NEDD4L: variants seen among roughly 807,000 people sequenced by gnomAD.
NEDD4L encodes the protein NEDD4 like E3 ubiquitin protein ligase, also known as E3 ubiquitin-protein ligase NEDD4-like.
Under a neutral mutation model 148.9 loss-of-function variants are expected in NEDD4L, and 54 were observed. The ratio of observed to expected loss-of-function variants is 0.36; its 90% confidence interval spans 0.29 to 0.45. NEDD4L has a LOEUF of 0.45. NEDD4L is among the 20% of genes least tolerant of loss of function. The pLI, the probability that NEDD4L is intolerant of heterozygous loss-of-function variation, is 1.00. For synonymous variants in NEDD4L, 433 were observed against 440.7 expected, an observed-to-expected ratio of 0.98 and a Z score of 0.22; for missense variants, 856 against 1,233.8, an observed-to-expected ratio of 0.69 and a Z score of 4.59.
chr18:58,222,759 A>G (rs2043910935), intron 2 of NEDD4L, among the ~76,000 whole-genome samples: 1 of 152,264 alleles, frequency 6.6e-6, no homozygotes, highest in South Asian at 2.1e-4. Flanking sequence ...TGTATCAACA[A>G]TATGAAATAT....
intron 5 of NEDD4L, among the ~76,000 whole-genome samples, chr18:58,288,276 A>AT (rs2054214599): frequency 6.6e-6 from 1 of 152,228 alleles, no homozygotes; most frequent in Non-Finnish European, 1.5e-5. Flanking sequence ...CCTGCTTTTT[A>AT]AATGTAATCT....
chr18:58,236,623 A>T (rs1460369721), intron 2 of NEDD4L, among the ~76,000 whole-genome samples: 2 of 152,198 alleles, frequency 1.3e-5, no homozygotes, highest in African/African-American at 4.8e-5. Flanking sequence ...ATGAGCGATG[A>T]TGTCTCTGAG....
chr18:58,222,726 C>A (rs564780892), intron 2 of NEDD4L, among the ~76,000 whole-genome samples: 14 of 152,096 alleles, frequency 9.2e-5, no homozygotes, highest in African/African-American at 3.1e-4. Context: ...TTAAGATGGC[C>A]GGAATTCTAA....
At chr18:58,393,819 G>C (rs2050137985) in intron 30 of NEDD4L, among the ~76,000 whole-genome samples, 2 of 152,194 alleles carry the variant, frequency 1.3e-5, no homozygotes, top group South Asian at 4.1e-4. Context: ...TTTCCTAGAA[G>C]AGCAGAAGCT....
chr18:58,227,075 GTCC>G (rs1356736868), intron 2 of NEDD4L, among the ~76,000 whole-genome samples: 1 of 152,194 alleles, frequency 6.6e-6, no homozygotes, highest in East Asian at 1.9e-4. Context: ...CCCCACATCA[GTCC>G]TCCTTGCTGT....
chr18:58,180,901 TGGTCTATCGAGGTGTATTGGGGG>T (rs1233767137), intron 2 of NEDD4L, among the ~76,000 whole-genome samples: 1 of 152,242 alleles, frequency 6.6e-6, no homozygotes, highest in Non-Finnish European at 1.5e-5. Context: ...ATTCCTTCTC[TGGTCTATCGAGGTGTATTGGGGG>T]GGTTACAGCA....
At chr18:58,332,951 C>T (rs1402629222) in intron 11 of NEDD4L, among the ~76,000 whole-genome samples, 1 of 152,042 alleles carries the variant, frequency 6.6e-6, no homozygotes, top group East Asian at 1.9e-4. Flanking sequence ...TATTTTTAAT[C>T]ATTCCTGTCT....
chr18:58,206,182 A>G (rs1162210330), intron 2 of NEDD4L, among the ~76,000 whole-genome samples: 1 of 152,162 alleles, frequency 6.6e-6, no homozygotes, highest in Non-Finnish European at 1.5e-5. Context: ...TGAGGTCAGG[A>G]GTTCGGGACC....
intron 2 of NEDD4L, among the ~76,000 whole-genome samples, chr18:58,205,906 G>A (rs1211784743): frequency 1.3e-5 from 2 of 152,042 alleles, no homozygotes; most frequent in Non-Finnish European, 2.9e-5. Flanking sequence ...TGTTCTTCTG[G>A]CCTCAGAATC....
At chr18:58,350,970 C>G in intron 17 of NEDD4L, 21 bp from the exon 18 acceptor site, 1 of 1,568,448 alleles carries the variant, frequency 6.4e-7, no homozygotes, top group Non-Finnish European at 8.7e-7. Flanking sequence ...TTTCTCTCTC[C>G]CTTCCTTCCC....
Position 58,256,591 on chromosome 18 carries a change from C to T in NEDD4L, c.297+4537C>T. On this transcript the variant is annotated intron_variant, in intron 5 of 30. Coordinates refer to ENST00000400345, the MANE Select transcript of NEDD4L (RefSeq NM_001144967.3). The surrounding 1 kb of genome is among the most constrained non-coding windows in gnomAD (Gnocchi z 5.2). Reference sequence around the variant, plus strand: ...GAGCTGGCAGGATGGCTCCTGAAATCCGCAGGACGAACTCCGCGGAGAGGA... The same window carrying T: ...GAGCTGGCAGGATGGCTCCTGAAATTCGCAGGACGAACTCCGCGGAGAGGA... 8.1e-7 allele frequency: 1 copy of T among 1,232,266 alleles called. No individual in the cohort carries two copies. The highest frequency in any genetic ancestry group is 1.0e-6 in the Non-Finnish European group (1 of 988,062). The allele number at this position is 1,232,266 out of a possible 1,614,324, so 76.3% of individuals were successfully genotyped here. A position where few individuals can be genotyped will look rare whatever the true frequency, so the allele number is the denominator to read the frequency against.
At chr18:58,087,421 A>T (rs1156962371) in intron 1 of NEDD4L, among the ~76,000 whole-genome samples, 1 of 152,096 alleles carries the variant, frequency 6.6e-6, no homozygotes, top group Non-Finnish European at 1.5e-5. Context: ...CAGTCTTTCC[A>T]GTTCCTGCCC....
At chr18:58,302,711 C>T (rs991399393) in intron 5 of NEDD4L, among the ~76,000 whole-genome samples, 8 of 152,206 alleles carry the variant, frequency 5.3e-5, no homozygotes, top group South Asian at 2.1e-4. Flanking sequence ...AAATAGAACA[C>T]GCAGATGGTC....
At chr18:58,348,426 G>A (rs373572182) in intron 16 of NEDD4L, among the ~76,000 whole-genome samples, 1 of 142,262 alleles carries the variant, frequency 7.0e-6, no homozygotes, top group East Asian at 2.0e-4. Context: ...CTACTTTCCG[G>A]GTTCAAGCAA....
At chr18:58,383,095 C>T (rs1386529057) in intron 24 of NEDD4L, 151 bp from the exon 25 acceptor site, 2 of 555,710 alleles carry the variant, frequency 3.6e-6, no homozygotes, top group Non-Finnish European at 6.4e-6. Context: ...AAAAAAGCCT[C>T]ATTGGACATT....
intron 4 of NEDD4L, 60 bp downstream of exon 4, chr18:58,248,997 T>G (rs2047596043): frequency 1.3e-6 from 1 of 772,434 alleles, no homozygotes; most frequent in Non-Finnish European, 2.0e-6. Context: ...ATTATCACAG[T>G]CAATTCATCT....
chr18:58,265,121 A>T (rs2050038015), intron 5 of NEDD4L, among the ~76,000 whole-genome samples: 2 of 151,942 alleles, frequency 1.3e-5, no homozygotes, highest in African/African-American at 4.8e-5. Flanking sequence ...CAAGACTGGA[A>T]CTAGATGCTG....
chr18:58,121,777 T>C (rs1472551887), intron 1 of NEDD4L, among the ~76,000 whole-genome samples: 1 of 152,226 alleles, frequency 6.6e-6, no homozygotes, highest in African/African-American at 2.4e-5. Context: ...CCCAATAATA[T>C]ATGAATGCAA....
At chr18:58,115,245 C>CTTTTTTTTTTTTTTTTTTTTTTTTTT (rs60541981) in intron 1 of NEDD4L, among the ~76,000 whole-genome samples, 3 of 129,538 alleles carry the variant, frequency 2.3e-5, no homozygotes, top group African/African-American at 5.9e-5. Flanking sequence ...TTCTTTCTTT[C>CTTTTTTTTTTTTTTTTTTTTTTTTTT]TTTTTTTTTT....
Sources: gnomAD v4.1 joint callset for allele counts (sites outside exome capture counted in the v4.1 genomes callset) on GRCh38, gnomAD v4.1.1 for gene constraint, Gnocchi (gnomAD v3.1) non-coding constraint, MANE v1.5 for transcripts, NCBI Gene and HGNC (gene_info 2026-07-23, HGNC 2026-07-21) for gene names.